PRKAR1B: variants seen among roughly 807,000 people sequenced by gnomAD.
PRKAR1B encodes the protein cAMP-dependent protein kinase type I-beta regulatory subunit.
Under a neutral mutation model 46.5 loss-of-function variants are expected in PRKAR1B, and 22 were observed. That is an observed-to-expected ratio of 0.47 (90% CI 0.34 to 0.68). The LOEUF is 0.68. Ranked by LOEUF, PRKAR1B falls within the 30% of genes least tolerant of loss-of-function variation. PRKAR1B has a pLI of 0.01. For synonymous variants in PRKAR1B, 259 were observed against 217.7 expected (o/e 1.19, Z -1.67); for missense variants, 445 against 535.6 (o/e 0.83, Z 1.67).
intron 2 of PRKAR1B, among the ~76,000 whole-genome samples, chr7:693,948 G>A (rs79034216): frequency 0.034 from 5,101 of 152,256 alleles, 317 homozygotes; most frequent in African/African-American, 0.12. Flanking sequence ...AATATGGACA[G>A]CATGCATTGG....
intron 4 of PRKAR1B, among the ~76,000 whole-genome samples, chr7:610,865 G>GTT (rs1455621461): frequency 6.6e-6 from 1 of 152,228 alleles, no homozygotes; most frequent in Non-Finnish European, 1.5e-5. Context: ...TCACATGTGG[G>GTT]TTGCCCCACC....
chr7:630,406 CG>C (rs907383099), intron 4 of PRKAR1B, among the ~76,000 whole-genome samples: 2 of 152,168 alleles, frequency 1.3e-5, no homozygotes, highest in Admixed American at 1.3e-4. Flanking sequence ...AGGCAGGCAG[CG>C]GGCAGCGGTT....
rs1001320489 is a variant in PRKAR1B, at chr7:644,538, G to A, written c.440+32691C>T. Among the ~76,000 whole-genome samples, 8 of 152,094 alleles carry A rather than the reference G, an allele frequency of 5.3e-5. No individual in the cohort carries two copies. The highest frequency in any genetic ancestry group is 9.7e-5 in the African/African-American group (4 of 41,426). On this transcript the variant is annotated intron_variant, in intron 4 of 10. Coordinates refer to ENST00000537384, the MANE Select transcript of PRKAR1B (RefSeq NM_001164760.2). The surrounding 1 kb of genome is among the most constrained non-coding windows in gnomAD (Gnocchi z 4.9). ...TCCGAGGGCCCACCCTCCACTCCCC[G>A]CTGCCAGGGAGCCCTCCCAGCACTG...
rs184397225 is a variant in PRKAR1B, at chr7:714,340, C to G, written c.-22-2813G>C. On this transcript the variant is annotated intron_variant, in intron 1 of 10. Coordinates refer to ENST00000537384, the MANE Select transcript of PRKAR1B (RefSeq NM_001164760.2). This position sits in a 1 kb window ranked among gnomAD's most constrained non-coding sequence, Gnocchi z 4.3. ...ACAGGACAGCCCTCTGATCCCGAGG[C>G]GCACACACAAGCCCTCCTTCTGCTG... Among the ~76,000 whole-genome samples the G allele has an allele frequency of 6.6e-6, 1 of 152,290 alleles. No individual in the cohort carries two copies. The highest frequency in any genetic ancestry group is 1.5e-5 in the Non-Finnish European group (1 of 68,006).
At chr7:601,632 C>G (rs569359510) in intron 6 of PRKAR1B, among the ~76,000 whole-genome samples, 3 of 152,228 alleles carry the variant, frequency 2.0e-5, no homozygotes, top group African/African-American at 7.2e-5. Context: ...CCGGCCCCGC[C>G]GGGCACTCCC....
chr7:635,327 G>C (rs1179195355), intron 4 of PRKAR1B, among the ~76,000 whole-genome samples: 3 of 152,218 alleles, frequency 2.0e-5, no homozygotes, highest in East Asian at 1.9e-4. Flanking sequence ...GAATGTTCCG[G>C]ATCTGGGCCA....
At chr7:625,354 C>T (rs929393192) in intron 4 of PRKAR1B, among the ~76,000 whole-genome samples, 1 of 151,974 alleles carries the variant, frequency 6.6e-6, no homozygotes, top group African/African-American at 2.4e-5. Context: ...GAAACTACAA[C>T]AAGAAGAGGA....
intron 9 of PRKAR1B, among the ~76,000 whole-genome samples, chr7:573,793 C>A (rs1349423143): frequency 6.6e-6 from 1 of 152,166 alleles, no homozygotes; most frequent in Non-Finnish European, 1.5e-5. Context: ...TCGGGCACAC[C>A]CATGGTGGAG....
At chr7:570,416 G>C (rs770956905) in intron 9 of PRKAR1B, among the ~76,000 whole-genome samples, 1 of 152,160 alleles carries the variant, frequency 6.6e-6, no homozygotes, top group Non-Finnish European at 1.5e-5. Context: ...TTGCAGCTCC[G>C]CTCTTGCGTA....
intron 9 of PRKAR1B, among the ~76,000 whole-genome samples, chr7:558,233 C>T (rs187713432): frequency 2.1e-5 from 3 of 143,664 alleles, no homozygotes; most frequent in Admixed American, 7.1e-5. Context: ...GGCTGAGGTG[C>T]GAGGATCGCT....
At chr7:687,645 G>A (rs533818367) in intron 2 of PRKAR1B, among the ~76,000 whole-genome samples, 19 of 152,276 alleles carry the variant, frequency 1.2e-4, no homozygotes, top group South Asian at 6.2e-4. Flanking sequence ...CAGAAGCAAC[G>A]TTTGAAGAGA....
chr7:628,297 C>T (rs1432667682), intron 4 of PRKAR1B, among the ~76,000 whole-genome samples: 1 of 152,250 alleles, frequency 6.6e-6, no homozygotes, highest in Non-Finnish European at 1.5e-5. Flanking sequence ...CTCTCTGTGC[C>T]GAGCAAGTCA....
chr7:645,121 C>T (rs561414734), intron 4 of PRKAR1B, among the ~76,000 whole-genome samples: 93 of 152,270 alleles, frequency 6.1e-4, no homozygotes, highest in African/African-American at 2.2e-3. Flanking sequence ...TCACACCCCT[C>T]GCGGAGGCCA....
intron 2 of PRKAR1B, among the ~76,000 whole-genome samples, chr7:692,314 C>T (rs141557343): frequency 0.034 from 5,100 of 152,232 alleles, 317 homozygotes; most frequent in African/African-American, 0.12. Flanking sequence ...GCAGGAGAAT[C>T]GATTGAACCC....
chr7:554,178 C>T (rs777432044), intron 9 of PRKAR1B, among the ~76,000 whole-genome samples: 7 of 152,256 alleles, frequency 4.6e-5, no homozygotes, highest in Admixed American at 2.0e-4. Flanking sequence ...CTGAAGCCAC[C>T]GGCCCCAGCC....
At chr7:704,541 C>T (rs1024497841) in intron 2 of PRKAR1B, among the ~76,000 whole-genome samples, 16 of 151,074 alleles carry the variant, frequency 1.1e-4, no homozygotes, top group South Asian at 2.1e-4. Flanking sequence ...TTTGGGAGGC[C>T]GAGGCGGGTG....
intron 2 of PRKAR1B, among the ~76,000 whole-genome samples, chr7:682,826 C>T (rs1778769580): frequency 6.6e-6 from 1 of 152,204 alleles, no homozygotes; most frequent in Non-Finnish European, 1.5e-5. Flanking sequence ...AGAAGCAATG[C>T]TGGCTCACAT....
intron 4 of PRKAR1B, among the ~76,000 whole-genome samples, chr7:640,813 C>CAG (rs1784351386): frequency 1.4e-5 from 2 of 139,514 alleles, no homozygotes; most frequent in South Asian, 4.6e-4. Flanking sequence ...CACACAGACA[C>CAG]AAATGAAATA....
chr7:578,333 C>T (rs1779976278), intron 9 of PRKAR1B, among the ~76,000 whole-genome samples: 3 of 152,244 alleles, frequency 2.0e-5, no homozygotes, highest in South Asian at 4.1e-4. Context: ...CAGCACATCC[C>T]GGGAGCTCCA....
Sources: gnomAD v4.1 joint callset for allele counts (sites outside exome capture counted in the v4.1 genomes callset) on GRCh38, gnomAD v4.1.1 for gene constraint, Gnocchi (gnomAD v3.1) non-coding constraint, MANE v1.5 for transcripts, NCBI Gene and HGNC (gene_info 2026-07-23, HGNC 2026-07-21) for gene names.